The following ZNF385D variants were observed in gnomAD, a reference collection of about 807,000 sequenced individuals.
The protein encoded by ZNF385D is zinc finger protein 385D.
Under a neutral mutation model 35.8 loss-of-function variants are expected in ZNF385D, and 15 were observed. The observed-to-expected ratio is 0.42, with a 90% CI of 0.28 to 0.64. The LOEUF (loss-of-function observed/expected upper bound fraction) is 0.64, where lower values mean the gene tolerates loss of function less well. Ranked by LOEUF, ZNF385D falls within the 30% of genes least tolerant of loss-of-function variation. The pLI, the probability that ZNF385D is intolerant of heterozygous loss-of-function variation, is 0.23. For missense variants in ZNF385D, 474 were observed against 494.6 expected (o/e 0.96, Z 0.39); for synonymous variants, 212 against 186.8 (o/e 1.13, Z -1.10).
chr3:22,166,703 G>C (rs1019877903), intron 3 of ZNF385D, among the ~76,000 whole-genome samples: 12 of 152,150 alleles, frequency 7.9e-5, no homozygotes, highest in Admixed American at 2.0e-4. Flanking sequence ...ACCTACTATC[G>C]TGGTTTGAAA....
intron 1 of ZNF385D, among the ~76,000 whole-genome samples, chr3:21,727,649 T>G (rs1224503115): frequency 6.6e-6 from 1 of 152,134 alleles, no homozygotes; most frequent in Admixed American, 6.6e-5. Flanking sequence ...TGGCAATCAT[T>G]AAAAAGTCAG....
intron 3 of ZNF385D, among the ~76,000 whole-genome samples, chr3:22,019,768 C>T (rs7616840): frequency 0.18 from 27,283 of 151,598 alleles, 3,546 homozygotes; most frequent in African/African-American, 0.37. Flanking sequence ...ATCTATGCTG[C>T]GGGAACTGGG....
chr3:21,908,324 G>C (rs897791487), intron 3 of ZNF385D, among the ~76,000 whole-genome samples: 6 of 152,014 alleles, frequency 3.9e-5, no homozygotes, highest in African/African-American at 1.2e-4. Context: ...AAATAGAAAA[G>C]GGCCTGAATG....
At chr3:21,881,736 C>G (rs968535934) in intron 3 of ZNF385D, among the ~76,000 whole-genome samples, 1 of 151,926 alleles carries the variant, frequency 6.6e-6, no homozygotes. Context: ...AAACTGAAAA[C>G]CTTCTGGAAA....
intron 2 of ZNF385D, among the ~76,000 whole-genome samples, chr3:22,176,733 C>A (rs1162454260): frequency 6.6e-6 from 1 of 152,040 alleles, no homozygotes. Context: ...TATTTTGAGT[C>A]CTCAGTTTCA....
intron 3 of ZNF385D, among the ~76,000 whole-genome samples, chr3:22,138,772 C>G (rs1020133678): frequency 2.0e-5 from 3 of 152,048 alleles, no homozygotes; most frequent in Admixed American, 2.0e-4. Flanking sequence ...GACTTCATGT[C>G]TAAGACACCA....
intron 3 of ZNF385D, chr3:21,961,350 C>T (rs1461557747): frequency 6.6e-6 from 1 of 152,004 alleles, no homozygotes; most frequent in Non-Finnish European, 1.5e-5. Flanking sequence ...TTTTATGTGG[C>T]ATTTGGAAAA....
intron 2 of ZNF385D, among the ~76,000 whole-genome samples, chr3:21,618,148 G>C (rs1362394379): frequency 6.6e-6 from 1 of 152,058 alleles, no homozygotes; most frequent in Non-Finnish European, 1.5e-5. Flanking sequence ...TTGTAAAAAG[G>C]GTCTTTGTGA....
At chr3:21,758,975 CAAAAAAAAAAA>C (rs58450064) in intron 3 of ZNF385D, among the ~76,000 whole-genome samples, 246 of 29,224 alleles carry the variant, frequency 8.4e-3, no homozygotes, top group African/African-American at 0.031. Flanking sequence ...TCATCACTGG[CAAAAAAAAAAA>C]AAAAAAAAAA....
chr3:22,118,443 G>C (rs1702919015), intron 3 of ZNF385D, among the ~76,000 whole-genome samples: 1 of 151,964 alleles, frequency 6.6e-6, no homozygotes, highest in South Asian at 2.1e-4. Context: ...GGTGAGGGAG[G>C]GAGTGAAAAC....
At chr3:21,469,263 G>A (rs1185007579) in intron 4 of ZNF385D, among the ~76,000 whole-genome samples, 3 of 152,176 alleles carry the variant, frequency 2.0e-5, no homozygotes, top group African/African-American at 7.2e-5. Flanking sequence ...GGAGGCCACA[G>A]ACTTTTGTGC....
At chr3:22,161,620 C>A (rs1051758295) in intron 3 of ZNF385D, among the ~76,000 whole-genome samples, 5 of 151,968 alleles carry the variant, frequency 3.3e-5, no homozygotes, top group Admixed American at 1.3e-4. Context: ...TTATTCACAT[C>A]TTCAAAAAAG....
At chr3:21,792,689 G>C (rs976027514) in intron 3 of ZNF385D, among the ~76,000 whole-genome samples, 3 of 152,058 alleles carry the variant, frequency 2.0e-5, no homozygotes, top group East Asian at 1.9e-4. Context: ...GCAGGCCCTA[G>C]ACCCCCTTTT....
At chr3:22,283,224 G>A (rs1303083796) in intron 2 of ZNF385D, among the ~76,000 whole-genome samples, 3 of 151,990 alleles carry the variant, frequency 2.0e-5, no homozygotes, top group Non-Finnish European at 4.4e-5. Context: ...GACAGCAAAC[G>A]ATAGTAGTGG....
chr3:21,676,739 G>A (rs1391590035), intron 1 of ZNF385D, among the ~76,000 whole-genome samples: 6 of 152,002 alleles, frequency 3.9e-5, no homozygotes, highest in African/African-American at 1.4e-4. Context: ...TCGCTAAATG[G>A]TAGAGCTAGG....
chr3:22,316,561 G>A (rs1033092009), intron 2 of ZNF385D, among the ~76,000 whole-genome samples: 46 of 152,260 alleles, frequency 3.0e-4, no homozygotes, highest in Non-Finnish European at 2.1e-4. Flanking sequence ...AAGCTTAAAT[G>A]CATTTCCTTT....
chr3:22,362,221 G>A (rs929023039), intron 2 of ZNF385D, among the ~76,000 whole-genome samples: 2 of 151,672 alleles, frequency 1.3e-5, no homozygotes, highest in African/African-American at 4.8e-5. Flanking sequence ...AAGAACACAT[G>A]TTCTAATTTA....
At chr3:21,826,865 T>G (rs1575730049) in intron 3 of ZNF385D, among the ~76,000 whole-genome samples, 2 of 146,760 alleles carry the variant, frequency 1.4e-5, no homozygotes, top group East Asian at 2.0e-4. Context: ...AGGTTGTGAG[T>G]GGTCCCAGGG....
At chr3:22,023,161 TG>T (rs778885666) in intron 3 of ZNF385D, among the ~76,000 whole-genome samples, 25 of 152,250 alleles carry the variant, frequency 1.6e-4, no homozygotes, top group South Asian at 4.1e-4. Flanking sequence ...ATGATATGGC[TG>T]AATTGAAGTA....
Sources: gnomAD v4.1 joint callset for allele counts (sites outside exome capture counted in the v4.1 genomes callset) on GRCh38, gnomAD v4.1.1 for gene constraint, MANE v1.5 for transcripts, NCBI Gene and HGNC (gene_info 2026-07-23, HGNC 2026-07-21) for gene names.